The following TBC1D15 variants were observed in gnomAD, a reference collection of about 807,000 sequenced individuals.
TBC1D15 encodes GAP for RAB7.
A neutral mutation model predicts 95.4 loss-of-function variants in TBC1D15; 39 were observed. The observed-to-expected ratio is 0.41, with a 90% confidence interval of 0.32 to 0.53. The LOEUF is 0.53. TBC1D15 is among the 20% of genes least tolerant of loss of function. TBC1D15 has a pLI of 0.29. For synonymous variants in TBC1D15, 258 were observed against 261.3 expected (o/e 0.99, Z 0.12); for missense variants, 733 against 794.3 (o/e 0.92, Z 0.93).
intron 12 of TBC1D15, among the ~76,000 whole-genome samples, 160 bp from the exon 13 acceptor site, chr12:71,917,538 T>C (rs890431702): frequency 5.3e-5 from 8 of 152,230 alleles, no homozygotes; most frequent in African/African-American, 9.6e-5. Context: ...CCCTCCCTTT[T>C]AGTGTTACGT....
chr12:71,908,218 C>T (rs894837710), intron 11 of TBC1D15, among the ~76,000 whole-genome samples: 74 of 152,014 alleles, frequency 4.9e-4, no homozygotes, highest in African/African-American at 1.6e-3. Flanking sequence ...GTGAAATTAC[C>T]TGGGGGAGGG....
intron 1 of TBC1D15, among the ~76,000 whole-genome samples, chr12:71,843,251 G>A (rs959099940): frequency 6.6e-6 from 1 of 152,056 alleles, no homozygotes; most frequent in African/African-American, 2.4e-5. Context: ...CTGGGCGAAG[G>A]GCATACTGTG....
intron 1 of TBC1D15, among the ~76,000 whole-genome samples, chr12:71,869,376 A>G (rs530456762): frequency 5.3e-4 from 80 of 152,284 alleles, no homozygotes; most frequent in Non-Finnish European, 8.7e-4. Context: ...CAGAAAAATT[A>G]GTCGGGCATG....
Position 71,922,985 on chromosome 12 carries a change from A to T in TBC1D15, c.1806A>T (p.Glu602Asp). The T allele has an allele frequency of 1.2e-6, 2 of 1,613,884 alleles. No homozygotes were observed. Among genetic ancestry groups the T allele is most frequent in the Non-Finnish European group, 1.7e-6 (2 of 1,179,734 alleles). The change falls in exon 17 of 17, where the codon GAA becomes GAT. Residue 602 changes from glutamate (E) to aspartate (D), a missense_variant and splice_region_variant. Glu to Asp is a conservative substitution (Grantham distance 45, BLOSUM62 2). Transcript: ENST00000485960. ...AISLQMVKCK[E>D]LPQAVCEILG... ...TGAGTTTGATTTTTCATATCCAGGA[A>T]TTGCCACAAGCAGTCTGTGAGATCC...
chr12:71,921,056 T>G (rs1401854708), intron 15 of TBC1D15, among the ~76,000 whole-genome samples: 1 of 152,166 alleles, frequency 6.6e-6, no homozygotes, highest in Non-Finnish European at 1.5e-5. Context: ...AAAAGGAAAT[T>G]CAACAAGTGC....
Position 71,915,737 on chromosome 12 carries a change from G to T in TBC1D15, c.1401+1811G>T, listed in dbSNP as rs1903560332. ...CTCTGTGTTTGCCTTTTCCATTAAGGATGTTCTGGGGATTTTTCTAGTCTT... is the reference window on the plus strand; with the variant it reads ...CTCTGTGTTTGCCTTTTCCATTAAGTATGTTCTGGGGATTTTTCTAGTCTT... On this transcript the variant is annotated intron_variant, in intron 12 of 16. Transcript: ENST00000485960. Among the ~76,000 whole-genome samples the T allele has an allele frequency of 1.3e-5, 2 of 152,000 alleles. 1 individual carries two copies. The highest frequency in any genetic ancestry group is 4.1e-4 in the South Asian group (2 of 4,822).
intron 1 of TBC1D15, chr12:71,868,733 G>T (rs943388753): frequency 5.3e-5 from 8 of 152,134 alleles, no homozygotes; most frequent in Admixed American, 2.6e-4. Flanking sequence ...ATTGTATAGG[G>T]TTCACCTTGT....
intron 11 of TBC1D15, chr12:71,913,342 A>T (rs1566069438): frequency 6.5e-6 from 1 of 152,776 alleles, no homozygotes; most frequent in South Asian, 2.1e-4. Flanking sequence ...TGGCTTACTC[A>T]TGGTAGTTTG....
Position 71,921,360 on chromosome 12 carries a change from C to A in TBC1D15, c.1717-8C>A. 6.6e-7 allele frequency: 1 copy of A among 1,520,314 alleles called. No individual in the cohort carries two copies. The highest frequency in any genetic ancestry group is 1.3e-5 in the South Asian group (1 of 77,318). The allele number at this position is 1,520,314 out of a possible 1,614,324, so 94.2% of individuals were successfully genotyped here. A position where few individuals can be genotyped will look rare whatever the true frequency, so the allele number is the denominator to read the frequency against. On this transcript the variant is annotated splice_polypyrimidine_tract_variant and splice_region_variant and intron_variant, in intron 15 of 16. Coordinates refer to ENST00000485960, the MANE Select transcript of TBC1D15 (RefSeq NM_001146213.3). ...TCGATATCATTTTATTTTGTTGATA[C>A]TTTTTAGCATATCAATGAATTGTCC...
intron 11 of TBC1D15, among the ~76,000 whole-genome samples, chr12:71,910,426 G>T (rs1402115662): frequency 2.6e-5 from 4 of 151,174 alleles, no homozygotes; most frequent in African/African-American, 9.8e-5. Flanking sequence ...GATGGGGATG[G>T]CATTGAATCT....
intron 1 of TBC1D15, among the ~76,000 whole-genome samples, chr12:71,842,830 CAAAAAAAAA>C (rs58842371): frequency 2.4e-5 from 2 of 84,844 alleles, no homozygotes; most frequent in African/African-American, 7.7e-5. Context: ...GACCCTGTCT[CAAAAAAAAA>C]AAAAAAAAAA....
intron 1 of TBC1D15, chr12:71,849,180 A>C (rs1289729154): frequency 1.1e-4 from 28 of 260,474 alleles, no homozygotes; most frequent in African/African-American, 3.8e-4. Flanking sequence ...AAAAAAAAAC[A>C]AAAAAAAAAC....
At position 71,921,444 on chromosome 12, in the gene TBC1D15, TA is replaced by T; in HGVS notation, c.1797del (p.Lys599AsnfsTer35). ...CKAEAISLQM[V>X]KCKELPQAVC... ...GCAGAAGCAATTTCTCTACAGATGG[TA>T]AAATGCAAGGTATACAGTGTTTCAA... On this transcript the variant is annotated frameshift_variant, in exon 16 of 17. Coordinates refer to ENST00000485960, the MANE Select transcript of TBC1D15 (RefSeq NM_001146213.3). LOFTEE classifies it high-confidence loss of function. 1 of 1,563,860 alleles carries T rather than the reference TA, an allele frequency of 6.4e-7. No homozygotes were observed. Among genetic ancestry groups the T allele is most frequent in the South Asian group, 1.2e-5 (1 of 83,412 alleles).
chr12:71,910,758 C>A (rs1902044910), intron 11 of TBC1D15, among the ~76,000 whole-genome samples: 1 of 152,008 alleles, frequency 6.6e-6, no homozygotes, highest in African/African-American at 2.4e-5. Context: ...GCAACAAAAG[C>A]CAAAACTGAC....
chr12:71,875,381 A>G (rs1044262957), intron 3 of TBC1D15, among the ~76,000 whole-genome samples: 1 of 151,934 alleles, frequency 6.6e-6, no homozygotes, highest in Non-Finnish European at 1.5e-5. Context: ...TTTAATTTTC[A>G]TGAAGTCAAG....
intron 14 of TBC1D15, among the ~76,000 whole-genome samples, chr12:71,918,846 G>A (rs1470185111): frequency 1.3e-5 from 2 of 152,190 alleles, no homozygotes; most frequent in African/African-American, 4.8e-5. Context: ...TTGACTTTAT[G>A]TGAGGCTTTG....
At chr12:71,851,119 G>T (rs1887712452) in intron 1 of TBC1D15, among the ~76,000 whole-genome samples, 1 of 152,064 alleles carries the variant, frequency 6.6e-6, no homozygotes, top group Admixed American at 6.6e-5. Flanking sequence ...CTTCTGGGAG[G>T]CCTCAGGAAA....
At chr12:71,848,952 G>A (rs780762945) in intron 1 of TBC1D15, among the ~76,000 whole-genome samples, 2 of 152,002 alleles carry the variant, frequency 1.3e-5, no homozygotes, top group Non-Finnish European at 2.9e-5. Context: ...CTCACATCAT[G>A]TCTATAAAAA....
chr12:71,854,590 A>C (rs1888593475), intron 1 of TBC1D15: 1 of 456,596 alleles, frequency 2.2e-6, no homozygotes, highest in African/African-American at 2.0e-5. Flanking sequence ...ATATTCAAGA[A>C]TTTTAACAGA....
Sources: gnomAD v4.1 joint callset for allele counts (sites outside exome capture counted in the v4.1 genomes callset) on GRCh38, gnomAD v4.1.1 for gene constraint, MANE v1.5 for transcripts, NCBI Gene and HGNC (gene_info 2026-07-23, HGNC 2026-07-21) for gene names.